The following FAR2 variants were observed in gnomAD, a reference collection of about 807,000 sequenced individuals.
The protein encoded by FAR2 is fatty acyl-CoA reductase 2.
A neutral mutation model predicts 56.0 loss-of-function variants in FAR2; 19 were observed. The observed-to-expected ratio is 0.34, with a 90% CI of 0.24 to 0.50. The LOEUF is 0.50. FAR2 is among the 20% of genes least tolerant of loss of function. The pLI, the probability that FAR2 is intolerant of heterozygous loss-of-function variation, is 0.98. For missense variants in FAR2, 508 were observed against 642.2 expected (o/e 0.79, Z 2.26); for synonymous variants, 219 against 218.8 (o/e 1.00, Z -0.01).
At chr12:29,307,542 C>G (rs1381214160) in intron 4 of FAR2, 116 bp from the exon 5 acceptor site, 1 of 1,052,998 alleles carries the variant, frequency 9.5e-7, no homozygotes, top group Non-Finnish European at 1.4e-6. Context: ...TGTGACTGTT[C>G]TGAATTCCAG....
intron 1 of FAR2, among the ~76,000 whole-genome samples, chr12:29,176,134 CATT>C (rs1218582093): frequency 6.6e-6 from 1 of 152,162 alleles, no homozygotes; most frequent in Non-Finnish European, 1.5e-5. Flanking sequence ...TTAAGATCAT[CATT>C]ATCATCATTT....
chr12:29,327,034 T>C (rs1366273805), intron 10 of FAR2, among the ~76,000 whole-genome samples: 1 of 152,218 alleles, frequency 6.6e-6, no homozygotes, highest in African/African-American at 2.4e-5. Flanking sequence ...CTCCTTAAGC[T>C]GATAAGCAAC....
intron 1 of FAR2, chr12:29,172,185 G>T (rs1654454863): frequency 1.3e-5 from 2 of 151,160 alleles, no homozygotes; most frequent in Admixed American, 6.6e-5. Context: ...GAAGGGAGGA[G>T]TGCCTCTGCC....
chr12:29,154,963 T>G (rs1949714803), intron 1 of FAR2, among the ~76,000 whole-genome samples: 1 of 152,202 alleles, frequency 6.6e-6, no homozygotes, highest in Non-Finnish European at 1.5e-5. Flanking sequence ...TAAGCTTCTC[T>G]CATCTCTTTA....
intron 1 of FAR2, among the ~76,000 whole-genome samples, chr12:29,228,818 C>T (rs1202851338): frequency 6.6e-6 from 1 of 152,174 alleles, no homozygotes; most frequent in African/African-American, 2.4e-5. Context: ...AAACTCCTGA[C>T]CTCAAGTGAT....
At chr12:29,265,409 G>A (rs999879505) in intron 1 of FAR2, among the ~76,000 whole-genome samples, 8 of 152,170 alleles carry the variant, frequency 5.3e-5, no homozygotes, top group South Asian at 2.1e-4. Context: ...CAAAGGTGCC[G>A]AGAACATACA....
chr12:29,314,901 G>T (rs1156268649), intron 8 of FAR2, among the ~76,000 whole-genome samples: 1 of 152,138 alleles, frequency 6.6e-6, no homozygotes, highest in Admixed American at 6.5e-5. Flanking sequence ...GAAATGGAAA[G>T]TAATTGTATG....
At chr12:29,301,317 G>A (rs926898481) in intron 4 of FAR2, among the ~76,000 whole-genome samples, 1 of 152,022 alleles carries the variant, frequency 6.6e-6, no homozygotes, top group Non-Finnish European at 1.5e-5. Context: ...CCCAGCCACC[G>A]GTTCCCATTC....
intron 1 of FAR2, among the ~76,000 whole-genome samples, chr12:29,234,760 A>C (rs1224736511): frequency 6.6e-6 from 1 of 152,204 alleles, no homozygotes; most frequent in Non-Finnish European, 1.5e-5. Context: ...TCCTGACTAC[A>C]GTAATGCCTA....
chr12:29,217,269 T>C (rs1947633333), intron 1 of FAR2, among the ~76,000 whole-genome samples: 2 of 152,184 alleles, frequency 1.3e-5, no homozygotes, highest in Admixed American at 1.3e-4. Flanking sequence ...AGTCCGGGTA[T>C]GGGAAGGTGG....
intron 2 of FAR2, among the ~76,000 whole-genome samples, chr12:29,275,608 G>C (rs948233090): frequency 6.6e-6 from 1 of 152,078 alleles, no homozygotes; most frequent in African/African-American, 2.4e-5. Context: ...TTTGTTTTTC[G>C]ATGGGAGCCT....
chr12:29,183,029 T>C (rs1467549262), intron 1 of FAR2, among the ~76,000 whole-genome samples: 5 of 150,952 alleles, frequency 3.3e-5, no homozygotes, highest in Non-Finnish European at 5.9e-5. Context: ...ACTAAACAAC[T>C]CTTGCTACAG....
intron 1 of FAR2, among the ~76,000 whole-genome samples, chr12:29,169,329 G>T (rs1949863529): frequency 6.6e-6 from 1 of 152,294 alleles, no homozygotes. Flanking sequence ...CAGTCCAGAG[G>T]TCCTTGGTAG....
At chr12:29,220,175 G>C (rs1947669541) in intron 1 of FAR2, among the ~76,000 whole-genome samples, 1 of 152,170 alleles carries the variant, frequency 6.6e-6, no homozygotes, top group Admixed American at 6.5e-5. Context: ...GACTCTGGCT[G>C]TGTCAATTTT....
chr12:29,241,135 G>A (rs1948028056), intron 1 of FAR2, among the ~76,000 whole-genome samples: 1 of 152,150 alleles, frequency 6.6e-6, no homozygotes, highest in Admixed American at 6.5e-5. Flanking sequence ...AGTATTGAAA[G>A]TGCCACTCTG....
intron 2 of FAR2, among the ~76,000 whole-genome samples, chr12:29,276,591 T>C (rs1447663908): frequency 6.6e-6 from 1 of 152,212 alleles, no homozygotes; most frequent in Non-Finnish European, 1.5e-5. Flanking sequence ...CTGAAAAGTT[T>C]TTGCTACAAA....
intron 2 of FAR2, among the ~76,000 whole-genome samples, chr12:29,274,761 G>A (rs969644552): frequency 6.7e-6 from 1 of 148,478 alleles, no homozygotes; most frequent in Non-Finnish European, 1.5e-5. Context: ...AGTACCTTGT[G>A]ACCCCCACTC....
intron 1 of FAR2, among the ~76,000 whole-genome samples, chr12:29,188,488 T>C (rs1950066958): frequency 6.6e-6 from 1 of 150,540 alleles, no homozygotes; most frequent in Non-Finnish European, 1.5e-5. Context: ...AATTTGGGGA[T>C]AATTTTAGAT....
intron 1 of FAR2, among the ~76,000 whole-genome samples, chr12:29,213,116 A>T (rs1947571868): frequency 3.9e-5 from 6 of 152,120 alleles, no homozygotes; most frequent in Middle Eastern, 3.4e-3. Flanking sequence ...ATCCCTACAG[A>T]ATATCTCTGC....
Sources: gnomAD v4.1 joint callset for allele counts (sites outside exome capture counted in the v4.1 genomes callset) on GRCh38, gnomAD v4.1.1 for gene constraint, MANE v1.5 for transcripts, NCBI Gene and HGNC (gene_info 2026-07-23, HGNC 2026-07-21) for gene names.